The following CNGB3 variants were observed in gnomAD, a reference collection of about 807,000 sequenced individuals.
CNGB3 encodes cyclic nucleotide gated channel subunit beta 3, also known as cyclic nucleotide-gated channel beta-3.
CNGB3 carries 86 observed loss-of-function variants against 92.8 expected under a neutral mutation model. The observed-to-expected ratio is 0.93, with a 90% CI of 0.78 to 1.11. CNGB3 has a LOEUF of 1.11. Among genes scored for constraint, CNGB3 ranks in the 50% least tolerant of loss-of-function variants. The probability of loss-of-function intolerance (pLI) is 0.00; values close to 1 mark genes in which losing one functional copy is unlikely to be tolerated. For synonymous variants in CNGB3, 333 were observed against 332.7 expected (o/e 1.00, Z -0.01); for missense variants, 1,026 against 956.8 (o/e 1.07, Z -0.95).
chr8:86,650,125 G>T (rs1189710749), intron 7 of CNGB3, among the ~76,000 whole-genome samples: 1 of 151,516 alleles, frequency 6.6e-6, no homozygotes, highest in Non-Finnish European at 1.5e-5. Context: ...AACAAGTTAA[G>T]AAGTGTACAG....
At chr8:86,714,524 T>C (rs960791464) in intron 3 of CNGB3, among the ~76,000 whole-genome samples, 13 of 152,146 alleles carry the variant, frequency 8.5e-5, no homozygotes, top group Admixed American at 7.9e-4. Flanking sequence ...AGATGGGAGA[T>C]AGGAGGCAGG....
At chr8:86,727,192 C>T (rs1563768073) in intron 2 of CNGB3, among the ~76,000 whole-genome samples, 1 of 152,050 alleles carries the variant, frequency 6.6e-6, no homozygotes, top group Non-Finnish European at 1.5e-5. Flanking sequence ...CTTTATGCAG[C>T]ACATGATTGT....
At chr8:86,646,298 A>C (rs746585482) in intron 8 of CNGB3, among the ~76,000 whole-genome samples, 54 of 151,176 alleles carry the variant, frequency 3.6e-4, no homozygotes, top group South Asian at 1.0e-3. Context: ...AAGTCTCTAG[A>C]GTTGTCTCAG....
At chr8:86,633,108 G>A (rs1413187809) in intron 10 of CNGB3, among the ~76,000 whole-genome samples, 1 of 152,126 alleles carries the variant, frequency 6.6e-6, no homozygotes, top group African/African-American at 2.4e-5. Flanking sequence ...GTGTTTACTA[G>A]CCGTTACCAA....
intron 3 of CNGB3, among the ~76,000 whole-genome samples, chr8:86,718,205 A>G (rs1315595287): frequency 6.6e-6 from 1 of 152,124 alleles, no homozygotes; most frequent in Non-Finnish European, 1.5e-5. Context: ...CAAACAAAAA[A>G]ATACAAAAGA....
intron 8 of CNGB3, 59 bp downstream of exon 8, chr8:86,647,742 T>C (rs1823316346): frequency 3.2e-6 from 3 of 924,824 alleles, no homozygotes; most frequent in South Asian, 1.3e-5. Flanking sequence ...ATTTCCATTA[T>C]AGGGAAATAG....
chr8:86,658,999 C>G (rs1264726061), intron 6 of CNGB3: 1 of 1,042,946 alleles, frequency 9.6e-7, no homozygotes, highest in Non-Finnish European at 1.5e-6. Flanking sequence ...CCTGCCAGAC[C>G]CTCCAGCTCC....
intron 1 of CNGB3, among the ~76,000 whole-genome samples, chr8:86,742,458 T>C (rs1394978739): frequency 1.2e-4 from 19 of 152,152 alleles, no homozygotes; most frequent in Non-Finnish European, 8.8e-5. Flanking sequence ...GGAAGGCAGA[T>C]TTTCCACGGC....
chr8:86,692,905 T>C (rs1045856546), intron 3 of CNGB3, among the ~76,000 whole-genome samples: 9 of 152,216 alleles, frequency 5.9e-5, no homozygotes, highest in Non-Finnish European at 8.8e-5. Context: ...TTTTAGCAGT[T>C]CTTATAGTGC....
intron 3 of CNGB3, among the ~76,000 whole-genome samples, chr8:86,679,550 G>C (rs769886863): frequency 4.3e-4 from 65 of 150,548 alleles, no homozygotes; most frequent in Admixed American, 3.1e-3. Flanking sequence ...TTTTGAAAAG[G>C]AGTCTTGCTC....
chr8:86,657,669 G>A (rs1455848789), intron 6 of CNGB3: 21 of 436,668 alleles, frequency 4.8e-5, no homozygotes, highest in Non-Finnish European at 4.6e-6. Flanking sequence ...AGGGTTCTTG[G>A]CAGCTGCCAG....
chr8:86,662,806 C>T lies in CNGB3; in HGVS notation c.852+4119G>A, dbSNP rs576615760. Among the ~76,000 whole-genome samples, 14 of 152,272 alleles carry T rather than the reference C, an allele frequency of 9.2e-5. No individual in the cohort carries two copies. The South Asian group carries it at 2.9e-3, about 32-fold the overall frequency. The stretch of plus-strand genomic sequence containing the variant: ...TTTTAAACCTTTTCACACAATAAAG[C>T]CCTGCTTCAGTCACCCTTCAAACCG... On this transcript the variant is annotated intron_variant, in intron 6 of 17. Coordinates refer to ENST00000320005, the MANE Select transcript of CNGB3 (RefSeq NM_019098.5).
chr8:86,642,818 C>T (rs1201334313), intron 10 of CNGB3, among the ~76,000 whole-genome samples: 1 of 151,492 alleles, frequency 6.6e-6, no homozygotes, highest in Non-Finnish European at 1.5e-5. Context: ...ATTTCTGGGA[C>T]ACTTGCATAC....
intron 13 of CNGB3, among the ~76,000 whole-genome samples, chr8:86,621,237 T>C (rs1241385343): frequency 6.6e-6 from 1 of 152,232 alleles, no homozygotes; most frequent in East Asian, 1.9e-4. Flanking sequence ...AAGTTCGTCA[T>C]TCAGGTATAA....
chr8:86,600,716 T>C (rs1201188489), intron 15 of CNGB3, among the ~76,000 whole-genome samples: 2 of 150,380 alleles, frequency 1.3e-5, no homozygotes, highest in African/African-American at 2.4e-5. Context: ...TTCATGCTAT[T>C]CTCCTGCCTC....
At chr8:86,706,578 A>G (rs1372275079) in intron 3 of CNGB3, among the ~76,000 whole-genome samples, 1 of 152,196 alleles carries the variant, frequency 6.6e-6, no homozygotes, top group Non-Finnish European at 1.5e-5. Flanking sequence ...TTTGCCCTGA[A>G]TAGAAGGCTT....
At chr8:86,671,666 C>T (rs1391071881) in intron 3 of CNGB3, among the ~76,000 whole-genome samples, 2 of 152,186 alleles carry the variant, frequency 1.3e-5, no homozygotes, top group East Asian at 1.9e-4. Flanking sequence ...CATGGCTGAT[C>T]GTGAAGAAGA....
chr8:86,651,899 G>C (rs1340583330), intron 7 of CNGB3, among the ~76,000 whole-genome samples: 1 of 151,932 alleles, frequency 6.6e-6, no homozygotes, highest in Non-Finnish European at 1.5e-5. Flanking sequence ...CTTAACAACA[G>C]GGACATATTC....
intron 15 of CNGB3, among the ~76,000 whole-genome samples, chr8:86,603,549 G>A (rs1822352200): frequency 6.6e-6 from 1 of 152,136 alleles, no homozygotes. Flanking sequence ...AGTGTTCTAA[G>A]TGCTTTTAGT....
Sources: gnomAD v4.1 joint callset for allele counts (sites outside exome capture counted in the v4.1 genomes callset) on GRCh38, gnomAD v4.1.1 for gene constraint, MANE v1.5 for transcripts, NCBI Gene and HGNC (gene_info 2026-07-23, HGNC 2026-07-21) for gene names.